DNAJC13: variants seen among roughly 807,000 people sequenced by gnomAD.
The protein encoded by DNAJC13 is DnaJ heat shock protein family (Hsp40) member C13.
In DNAJC13, 75 loss-of-function variants were observed where a neutral mutation model predicts 290.5. The ratio of observed to expected loss-of-function variants is 0.26; its 90% CI spans 0.21 to 0.31. The LOEUF (loss-of-function observed/expected upper bound fraction) is 0.31. DNAJC13 is among the 10% of genes least tolerant of loss of function. The probability of loss-of-function intolerance (pLI) is 1.00; values close to 1 mark genes in which losing one functional copy is unlikely to be tolerated. For missense variants in DNAJC13, 2,260 were observed against 2,674.5 expected (o/e 0.85, Z 3.42); for synonymous variants, 862 against 892.0 (o/e 0.97, Z 0.60).
chr3:132,499,925 A>G (rs2107717338), intron 38 of DNAJC13, 117 bp downstream of exon 38: 3 of 876,250 alleles, frequency 3.4e-6, no homozygotes, highest in South Asian at 3.3e-5. Context: ...GCTCCACCCC[A>G]CCCCAAGTTT....
intron 1 of DNAJC13, among the ~76,000 whole-genome samples, chr3:132,428,985 G>A (rs558468171): frequency 6.6e-6 from 1 of 150,534 alleles, no homozygotes; most frequent in East Asian, 2.0e-4. Context: ...TGTCCACCTC[G>A]GCCTCCCAAA....
chr3:132,467,425 G>C, intron 20 of DNAJC13, 112 bp downstream of exon 20: 1 of 994,646 alleles, frequency 1.0e-6, no homozygotes, highest in Non-Finnish European at 1.5e-6. Context: ...AATACCTGAA[G>C]CTTAAAAATG....
Position 132,417,982 on chromosome 3 carries a change from G to C in DNAJC13, c.-14+222G>C, listed in dbSNP as rs557991203. Among the ~76,000 whole-genome samples the C allele has an allele frequency of 1.7e-4, 26 of 152,246 alleles. 1 individual carries two copies. The highest frequency in any genetic ancestry group is 6.0e-4 in the African/African-American group (25 of 41,552). On this transcript the variant is annotated intron_variant, in intron 1 of 55. Coordinates refer to ENST00000260818, the MANE Select transcript of DNAJC13 (RefSeq NM_015268.4). ...TGACATTAGCTCAGGGCGCTGCCCTGTCCAGCCCCACCCCTTTTTTTTGCT... is the reference window on the plus strand; with the variant it reads ...TGACATTAGCTCAGGGCGCTGCCCTCTCCAGCCCCACCCCTTTTTTTTGCT...
chr3:132,514,718 G>A (rs753353900), intron 46 of DNAJC13, 48 bp downstream of exon 46: 1 of 1,384,992 alleles, frequency 7.2e-7, no homozygotes, highest in Non-Finnish European at 1.0e-6. Context: ...ATTAGCCCAT[G>A]GAAAGGAGTT....
chr3:132,473,973 G>A (rs1487388102), intron 21 of DNAJC13, among the ~76,000 whole-genome samples: 1 of 152,156 alleles, frequency 6.6e-6, no homozygotes, highest in East Asian at 1.9e-4. Context: ...TTGCAGACTT[G>A]AAAGTAAGCA....
rs1272092424 is a variant in DNAJC13, at chr3:132,460,136, A to T, written c.1450-114A>T. ...CTTTTTGCCTTACACTTTAAAGGCA[A>T]TGGTTTTTAATTCTTTCAATGTGTA... On this transcript the variant is annotated intron_variant, in intron 13 of 55. Coordinates refer to ENST00000260818, the MANE Select transcript of DNAJC13 (RefSeq NM_015268.4). The T allele has an allele frequency of 6.8e-6, 4 of 590,462 alleles. No individual in the cohort carries two copies. The East Asian group carries it at 1.2e-4, about 18-fold the overall frequency. The allele number at this position is 590,462 out of a possible 1,614,324, so 36.6% of individuals were successfully genotyped here.
intron 34 of DNAJC13, among the ~76,000 whole-genome samples, chr3:132,494,471 A>G (rs1935167351): frequency 6.6e-6 from 1 of 152,212 alleles, no homozygotes; most frequent in South Asian, 2.1e-4. Flanking sequence ...TTGCTGGTAC[A>G]TTCATTTCTC....
chr3:132,465,453 TA>T (rs1370150691), intron 17 of DNAJC13, among the ~76,000 whole-genome samples: 1 of 152,196 alleles, frequency 6.6e-6, no homozygotes, highest in East Asian at 1.9e-4. Context: ...TACTTTGAAT[TA>T]AAATATACTT....
intron 1 of DNAJC13, among the ~76,000 whole-genome samples, chr3:132,418,416 C>T (rs1173273054): frequency 1.3e-5 from 2 of 152,148 alleles, no homozygotes; most frequent in Non-Finnish European, 1.5e-5. Flanking sequence ...CTGTTAATCA[C>T]TTGATACTTA....
Position 132,494,225 on chromosome 3 carries a change from T to A in DNAJC13, c.3907T>A (p.Tyr1303Asn). The change falls in exon 34 of 56, where the codon TAT (tyrosine) becomes AAT (asparagine). Residue 1303 changes from tyrosine (Y) to asparagine (N), a missense_variant. By Grantham distance (143) the Tyr-to-Asn change is moderately radical. Around this residue, in one of 3 missense-constraint regions of DNAJC13, gnomAD observed 1,494 missense variants for 1,693.7 expected, o/e 0.88. Coordinates refer to ENST00000260818, the MANE Select transcript of DNAJC13 (RefSeq NM_015268.4). The part of the protein sequence containing the change: ...KPPMMSIDDA[Y>N]EVLNLPQGQG... ...ACCTATGATGTCAATAGATGATGCT[T>A]ATGAAGTGCTTAATCTGCCTCAAGG... 1 of 1,613,240 alleles carries A rather than the reference T, an allele frequency of 6.2e-7. No individual in the cohort carries two copies. Among genetic ancestry groups the A allele is most frequent in the Non-Finnish European group, 8.5e-7 (1 of 1,179,564 alleles).
chr3:132,470,774 C>A (rs1934197356), intron 20 of DNAJC13, among the ~76,000 whole-genome samples: 1 of 121,746 alleles, frequency 8.2e-6, no homozygotes, highest in Non-Finnish European at 1.8e-5. Context: ...CCAGACGGGG[C>A]GGCTGGCCGG....
At chr3:132,447,771 C>A in intron 4 of DNAJC13, 127 bp from the exon 5 acceptor site, 2 of 761,674 alleles carry the variant, frequency 2.6e-6, no homozygotes, top group Non-Finnish European at 4.4e-6. Context: ...TAAACTATAA[C>A]TTGAATAACA....
At chr3:132,473,538 T>G (rs1934359136) in intron 21 of DNAJC13, among the ~76,000 whole-genome samples, 1 of 152,182 alleles carries the variant, frequency 6.6e-6, no homozygotes, top group Non-Finnish European at 1.5e-5. Context: ...AAATGGAGTC[T>G]TAAAAGAGGC....
intron 13 of DNAJC13, 83 bp from the exon 14 acceptor site, chr3:132,460,167 T>C: frequency 1.2e-6 from 1 of 846,160 alleles, no homozygotes; most frequent in Non-Finnish European, 1.9e-6. Flanking sequence ...GTGTAATGAA[T>C]ACTGTTTATA....
Position 132,460,248 on chromosome 3 carries a change from A to T in DNAJC13, c.1450-2A>T. Reference sequence around the variant, plus strand: ...TCACTGTTTTTTTTTTTTCATCAATAGCCCATGCATGATGACTATGACTTA... The same window carrying T: ...TCACTGTTTTTTTTTTTTCATCAATTGCCCATGCATGATGACTATGACTTA... On this transcript the variant is annotated splice_acceptor_variant, in intron 13 of 55. Transcript: ENST00000260818. LOFTEE classifies it high-confidence loss of function. The T allele has an allele frequency of 6.3e-7, 1 of 1,575,678 alleles. No homozygotes were observed. Among genetic ancestry groups the T allele is most frequent in the Admixed American group, 1.8e-5 (1 of 54,928 alleles).
At chr3:132,424,107 A>T (rs1363042595) in intron 1 of DNAJC13, among the ~76,000 whole-genome samples, 1 of 152,204 alleles carries the variant, frequency 6.6e-6, no homozygotes, top group Non-Finnish European at 1.5e-5. Context: ...AATGTGTATA[A>T]ACTAAAAATA....
intron 34 of DNAJC13, among the ~76,000 whole-genome samples, chr3:132,494,545 A>G (rs1296426470): frequency 6.6e-6 from 1 of 152,152 alleles, no homozygotes; most frequent in Admixed American, 6.6e-5. Flanking sequence ...AGCCATTCAC[A>G]TGTTCATTTT....
chr3:132,478,258 A>AT (rs1198552724), intron 24 of DNAJC13, 118 bp downstream of exon 24: 1 of 850,088 alleles, frequency 1.2e-6, no homozygotes, highest in African/African-American at 1.8e-5. Flanking sequence ...TTCTGCATTC[A>AT]TTTTTCTGTA....
chr3:132,456,736 T>C lies in DNAJC13; in HGVS notation c.1253T>C (p.Val418Ala), dbSNP rs1203226034. ...GCATTACTGTCCCAAGAAGGGGATG[T>C]CGTTGCTTCAAATGCGGAACTTGAG... ...ITALLSQEGD[V>A]VASNAELESQ... Residue 418 changes from valine (V) to alanine (A), a missense_variant, in exon 12 of 56, where the codon GTC (valine) becomes GCC (alanine). Val to Ala is a moderately conservative substitution (Grantham distance 64, BLOSUM62 0). Coordinates refer to ENST00000260818, the MANE Select transcript of DNAJC13 (RefSeq NM_015268.4). 1 of 1,614,122 alleles carries C rather than the reference T, an allele frequency of 6.2e-7. No individual in the cohort carries two copies. The highest frequency in any genetic ancestry group is 1.7e-5 in the Admixed American group (1 of 60,024).
Sources: allele counts gnomAD v4.1 joint callset (sites outside exome capture counted in the v4.1 genomes callset), GRCh38; gene constraint gnomAD v4.1.1; regional missense constraint gnomAD v4.1.1; transcripts MANE v1.5; gene names NCBI Gene and HGNC (gene_info 2026-07-23, HGNC 2026-07-21).